Variants in ADAMTS17 observed in about 807,000 individuals in gnomAD.
ADAMTS17 encodes A disintegrin and metalloproteinase with thrombospondin motifs 17.
ADAMTS17 carries 113 observed loss-of-function variants against 141.5 expected under a neutral mutation model. The observed-to-expected ratio is 0.80, with a 90% CI of 0.69 to 0.93. The LOEUF is 0.93. ADAMTS17 is among the 40% of genes least tolerant of loss of function. The probability of loss-of-function intolerance (pLI) is 0.00; values close to 1 mark genes in which losing one functional copy is unlikely to be tolerated. For synonymous variants in ADAMTS17, 768 were observed against 630.6 expected (o/e 1.22, Z -3.27); for missense variants, 1,659 against 1,517.9 (o/e 1.09, Z -1.54).
intron 15 of ADAMTS17, among the ~76,000 whole-genome samples, chr15:100,068,983 TA>T (rs971136885): frequency 1.3e-5 from 2 of 152,104 alleles, no homozygotes; most frequent in African/African-American, 4.8e-5. Flanking sequence ...GCATAGAAGT[TA>T]AAAACCTTGA....
At chr15:100,261,358 C>T in intron 6 of ADAMTS17, 121 bp downstream of exon 6, 1 of 1,406,554 alleles carries the variant, frequency 7.1e-7, no homozygotes, top group Non-Finnish European at 9.8e-7. Context: ...AACCAAAACC[C>T]AGACAGGTGG....
intron 8 of ADAMTS17, among the ~76,000 whole-genome samples, chr15:100,174,239 G>A (rs975166000): frequency 2.7e-5 from 4 of 150,342 alleles, no homozygotes; most frequent in Admixed American, 2.0e-4. Context: ...TTTCTGCTCA[G>A]ATTCCCAATT....
intron 20 of ADAMTS17, among the ~76,000 whole-genome samples, chr15:99,986,143 G>A (rs1435529903): frequency 3.3e-5 from 5 of 150,970 alleles, no homozygotes; most frequent in Admixed American, 2.6e-4. Flanking sequence ...AGGCAGGCAG[G>A]CCTTGCAGGG....
At chr15:99,992,025 G>A (rs746457728) in intron 20 of ADAMTS17, among the ~76,000 whole-genome samples, 7 of 152,068 alleles carry the variant, frequency 4.6e-5, no homozygotes, top group Non-Finnish European at 4.4e-5. Context: ...ACTGTCGTAG[G>A]GTGGGGGGCT....
chr15:100,253,877 C>G (rs188219238), intron 7 of ADAMTS17, among the ~76,000 whole-genome samples: 1 of 152,116 alleles, frequency 6.6e-6, no homozygotes, highest in African/African-American at 2.4e-5. Context: ...CCCCTTGGAA[C>G]GGCCTGGTGG....
chr15:100,162,392 A>C (rs1285957452), intron 8 of ADAMTS17, among the ~76,000 whole-genome samples: 3 of 147,044 alleles, frequency 2.0e-5, no homozygotes, highest in African/African-American at 7.4e-5. Context: ...ATATATAACT[A>C]TCTATATGTG....
intron 3 of ADAMTS17, 97 bp from the exon 4 acceptor site, chr15:100,281,498 G>A (rs927470939): frequency 3.4e-5 from 50 of 1,484,412 alleles, no homozygotes; most frequent in Non-Finnish European, 4.5e-5. Flanking sequence ...CGAGAGAGTG[G>A]TCAGTCTCGA....
At chr15:100,132,933 T>C (rs1232338687) in intron 11 of ADAMTS17, among the ~76,000 whole-genome samples, 5 of 152,254 alleles carry the variant, frequency 3.3e-5, no homozygotes, top group Non-Finnish European at 5.9e-5. Context: ...ATTTGAAATA[T>C]ACTGGTGAAA....
intron 6 of ADAMTS17, among the ~76,000 whole-genome samples, chr15:100,257,424 G>A (rs73481950): frequency 0.074 from 11,252 of 152,280 alleles, 716 homozygotes; most frequent in African/African-American, 0.17. Flanking sequence ...AAGACGGGAC[G>A]TGCACTGATC....
chr15:100,202,922 G>C (rs993161807), intron 7 of ADAMTS17, among the ~76,000 whole-genome samples: 1 of 152,186 alleles, frequency 6.6e-6, no homozygotes, highest in Non-Finnish European at 1.5e-5. Context: ...CTGCAGTGGT[G>C]CTTTCACATC....
intron 18 of ADAMTS17, among the ~76,000 whole-genome samples, chr15:100,009,824 A>C (rs2061123204): frequency 1.3e-5 from 2 of 152,168 alleles, no homozygotes; most frequent in East Asian, 1.9e-4. Flanking sequence ...TGATTTAGAC[A>C]TGAGGGACAG....
chr15:100,083,495 T>C (rs1014000293), intron 15 of ADAMTS17, among the ~76,000 whole-genome samples: 1 of 152,122 alleles, frequency 6.6e-6, no homozygotes, highest in African/African-American at 2.4e-5. Flanking sequence ...TTTCAGGTTA[T>C]CTTTTGAAGA....
At chr15:100,144,081 A>C (rs897098409) in intron 10 of ADAMTS17, among the ~76,000 whole-genome samples, 1 of 152,232 alleles carries the variant, frequency 6.6e-6, no homozygotes, top group Non-Finnish European at 1.5e-5. Context: ...AAAACAATTA[A>C]ACTGGAAGTG....
chr15:100,314,938 C>T (rs896672603), intron 3 of ADAMTS17, among the ~76,000 whole-genome samples: 19 of 152,158 alleles, frequency 1.2e-4, no homozygotes, highest in African/African-American at 4.3e-4. Context: ...GCCGACCGTC[C>T]CTGGAGAGTG....
At chr15:100,230,403 G>A (rs1411855951) in intron 7 of ADAMTS17, among the ~76,000 whole-genome samples, 1 of 152,210 alleles carries the variant, frequency 6.6e-6, no homozygotes, top group Non-Finnish European at 1.5e-5. Flanking sequence ...TACAGAGTTG[G>A]AGGAGAAGTC....
chr15:100,001,804 C>G (rs931259489), intron 18 of ADAMTS17, among the ~76,000 whole-genome samples: 1 of 151,592 alleles, frequency 6.6e-6, no homozygotes, highest in Non-Finnish European at 1.5e-5. Context: ...AACCCCATCT[C>G]TACTAAAATA....
At chr15:100,161,756 C>G (rs1454184935) in intron 8 of ADAMTS17, among the ~76,000 whole-genome samples, 1 of 152,190 alleles carries the variant, frequency 6.6e-6, no homozygotes. Flanking sequence ...TTAAATGCCA[C>G]TAGGGGATAA....
intron 3 of ADAMTS17, among the ~76,000 whole-genome samples, chr15:100,290,430 G>GTTGT: frequency 6.6e-6 from 1 of 152,268 alleles, no homozygotes; most frequent in Non-Finnish European, 1.5e-5. Context: ...TAGCCATAGT[G>GTTGT]TCCAAAGCAA....
intron 4 of ADAMTS17, among the ~76,000 whole-genome samples, chr15:100,270,446 A>G (rs987892035): frequency 8.5e-5 from 13 of 152,144 alleles, no homozygotes; most frequent in Non-Finnish European, 1.3e-4. Flanking sequence ...AATACACCAT[A>G]TCCGTGGGAT....
Sources: allele counts gnomAD v4.1 joint callset (sites outside exome capture counted in the v4.1 genomes callset), GRCh38; gene constraint gnomAD v4.1.1; transcripts MANE v1.5; gene names NCBI Gene and HGNC (gene_info 2026-07-23, HGNC 2026-07-21).